The following PRSS57 variants were observed in gnomAD, a reference collection of about 807,000 sequenced individuals.
PRSS57 encodes the protein serine protease 57.
In PRSS57, 19 loss-of-function variants were observed where a neutral mutation model predicts 20.6. That is an observed-to-expected ratio of 0.92 (90% CI 0.64 to 1.35). The LOEUF (loss-of-function observed/expected upper bound fraction) is 1.35, where lower values mean the gene tolerates loss of function less well. Ranked by LOEUF, PRSS57 falls within the 40% of genes most tolerant of loss-of-function variation. PRSS57 has a pLI of 0.00. For synonymous variants in PRSS57, 203 were observed against 176.6 expected, an observed-to-expected ratio of 1.15 and a Z score of -1.19; for missense variants, 440 against 403.7, an observed-to-expected ratio of 1.09 and a Z score of -0.77.
intron 2 of PRSS57, among the ~76,000 whole-genome samples, chr19:693,809 G>A (rs1021302918): frequency 2.0e-5 from 3 of 151,986 alleles, no homozygotes; most frequent in Admixed American, 6.6e-5. Context: ...GCGCGATCTC[G>A]GCTCACTGAA....
intron 2 of PRSS57, among the ~76,000 whole-genome samples, chr19:693,418 G>A (rs1223576000): frequency 6.6e-6 from 1 of 151,924 alleles, no homozygotes; most frequent in Non-Finnish European, 1.5e-5. Context: ...GGGGGTGGGT[G>A]AGATGGGGGT....
Position 691,931 on chromosome 19 carries a change from AAC to A in PRSS57, c.303_304del (p.Phe102TrpfsTer64). 1 of 1,335,696 alleles carries A rather than the reference AAC, an allele frequency of 7.5e-7. No individual in the cohort carries two copies. The highest frequency in any genetic ancestry group is 9.7e-7 in the Non-Finnish European group (1 of 1,033,564). The allele number at this position is 1,335,696 out of a possible 1,614,324, so 82.7% of individuals were successfully genotyped here. On this transcript the variant is annotated frameshift_variant, in exon 3 of 5. Coordinates refer to ENST00000329267, the MANE Select transcript of PRSS57 (RefSeq NM_001308209.2). LOFTEE classifies it high-confidence loss of function. ...GTGTGTGGTGAGAGCATCGATGCCA[AAC>A]ACCTGCTGGGTGGGCTCCGCAGTAC...
intron 3 of PRSS57, among the ~76,000 whole-genome samples, chr19:687,835 T>G (rs7359958): frequency 6.6e-6 from 1 of 151,938 alleles, no homozygotes; most frequent in Non-Finnish European, 1.5e-5. Flanking sequence ...AGCCTCCCCT[T>G]TGGCCAGGCA....
chr19:687,029 G>C lies in PRSS57; in HGVS notation c.538C>G (p.Arg180Gly), dbSNP rs747208346. The C allele has an allele frequency of 6.2e-7, 1 of 1,613,954 alleles. No individual in the cohort carries two copies. Among genetic ancestry groups the C allele is most frequent in the Admixed American group, 1.7e-5 (1 of 60,002 alleles). The change falls in exon 4 of 5, where the codon CGA (arginine) becomes GGA (glycine). Residue 180 changes from arginine to glycine, a missense_variant. Coordinates refer to ENST00000329267, the MANE Select transcript of PRSS57 (RefSeq NM_001308209.2). ...LPPGLMEAKV[R>G]VLDPDVCNSS... is the part of the protein sequence containing the mutation. ...TTGCAGACGTCCGGGTCCAGCACTC[G>C]GACCTTGGCCTCCATCAGTCCAGGC... is the stretch of plus-strand genomic sequence containing the variant.
intron 3 of PRSS57, chr19:690,739 C>T (rs972682953): frequency 1.1e-5 from 4 of 360,852 alleles, no homozygotes; most frequent in African/African-American, 2.1e-5. Flanking sequence ...TTGAGTGCTC[C>T]AAGGAGGTAG....
intron 3 of PRSS57, 114 bp downstream of exon 3, chr19:691,744 G>A (rs1043526670): frequency 1.9e-5 from 18 of 967,284 alleles, no homozygotes; most frequent in Middle Eastern, 2.5e-4. Context: ...ACTTGAACCC[G>A]GGAGGCTGAG....
Position 694,042 on chromosome 19 carries a change from A to T in PRSS57, c.233+772T>A, listed in dbSNP as rs185814344. ...GGCATGAGCCACCGCACCCAGCCTA[A>T]TTTTCGTATTTTTAGTAGAGACAGA... is the stretch of plus-strand genomic sequence containing the variant. On this transcript the variant is annotated intron_variant, in intron 2 of 4. Transcript: ENST00000329267. 5.1e-3 allele frequency among the ~76,000 whole-genome samples: 777 copies of T among 151,838 alleles called. 4 individuals are homozygous for T. The highest frequency in any genetic ancestry group is 0.018 in the African/African-American group (743 of 41,440).
rs1568210951 is a variant in PRSS57, at chr19:694,921, G to GT, written c.125dup (p.His42GlnfsTer125). 1.9e-6 allele frequency: 3 copies of GT among 1,592,150 alleles called. No individual in the cohort carries two copies. The Admixed American group carries it at 5.3e-5, about 28-fold the overall frequency. The stretch of plus-strand genomic sequence containing the variant: ...GCACGGATGCCATGTAGGGCCTGGA[G>GT]TGGGGGGTCACCTCGTGGCCCCCGA... On this transcript the variant is annotated frameshift_variant, in exon 2 of 5. Transcript: ENST00000329267. LOFTEE classifies it high-confidence loss of function.
intron 1 of PRSS57, 46 bp downstream of exon 1, chr19:695,306 G>A (rs940682990): frequency 1.3e-5 from 13 of 984,602 alleles, no homozygotes; most frequent in African/African-American, 8.4e-5. Context: ...GCCCCCGTAC[G>A]GGGACTTGGC....
At chr19:692,458 T>A (rs990675635) in intron 2 of PRSS57, among the ~76,000 whole-genome samples, 3 of 143,812 alleles carry the variant, frequency 2.1e-5, no homozygotes, top group Non-Finnish European at 4.5e-5. Context: ...AGAGTCTCAC[T>A]CTGTCCCCTA....
rs1210291599 is a variant in PRSS57 at position 694,830 on chromosome 19, G to A, written c.217C>T (p.His73Tyr). 1.9e-6 allele frequency: 3 copies of A among 1,607,252 alleles called. No individual in the cohort carries two copies. The African/African-American group carries it at 4.0e-5, about 22-fold the overall frequency. Residue 73 changes from histidine to tyrosine, a missense_variant, in exon 2 of 5, where the codon CAC becomes TAC. Physicochemically the swap from His to Tyr is moderately conservative, Grantham distance 83 (BLOSUM62 2). Coordinates refer to ENST00000329267, the MANE Select transcript of PRSS57 (RefSeq NM_001308209.2). Reference protein sequence around the residue: ...LRARWVVSAAHCFSHRDLRTG... With the variant: ...LRARWVVSAAYCFSHRDLRTG... ...TGAGCTCACCTGTGGCTGAAGCAGT[G>A]GGCGGCCGAGACCACCCAGCGGGCT...
At chr19:687,358 C>T (rs72978205) in intron 3 of PRSS57, among the ~76,000 whole-genome samples, 170 bp from the exon 4 acceptor site, 3,554 of 152,324 alleles carry the variant, frequency 0.023, 62 homozygotes, top group South Asian at 0.049. Flanking sequence ...GCCCCTACCC[C>T]TCAGGCCTCC....
chr19:691,798 G>A (rs573833373), intron 3 of PRSS57, 60 bp downstream of exon 3: 25 of 1,299,916 alleles, frequency 1.9e-5, no homozygotes, highest in East Asian at 1.1e-4. Flanking sequence ...CAGCCCGAGC[G>A]ACAGAGCGAG....
At chr19:693,366 C>T (rs1390374472) in intron 2 of PRSS57, among the ~76,000 whole-genome samples, 12 of 151,046 alleles carry the variant, frequency 7.9e-5, no homozygotes, top group Admixed American at 4.0e-4. Context: ...TAGCTGGGAC[C>T]ACAGAAGCAC....
chr19:694,299 G>A (rs1013908707), intron 2 of PRSS57, among the ~76,000 whole-genome samples: 3 of 151,644 alleles, frequency 2.0e-5, no homozygotes, highest in Non-Finnish European at 2.9e-5. Context: ...AGGGCATGGC[G>A]GCTCACACCT....
intron 3 of PRSS57, 45 bp downstream of exon 3, chr19:691,813 T>C: frequency 7.6e-7 from 1 of 1,312,710 alleles, no homozygotes; most frequent in Non-Finnish European, 9.8e-7. Flanking sequence ...AGCGAGAGAC[T>C]GTCTCAAAAA....
Position 691,859 on chromosome 19 carries a change from C to A in PRSS57, c.377G>T (p.Arg126Leu). 1 of 1,329,784 alleles carries A rather than the reference C, an allele frequency of 7.5e-7. No individual in the cohort carries two copies. The highest frequency in any genetic ancestry group is 9.7e-7 in the Non-Finnish European group (1 of 1,030,198). 82.4% of individuals were successfully genotyped at this position (1,329,784 alleles called of 1,614,324 possible). Residue 126 changes from arginine to leucine, a missense_variant and splice_region_variant, in exon 3 of 5, where the codon CGG becomes CTG. Transcript: ENST00000329267. ...GTCAGATCCACCCCCGGGGCTCACCCGCAGCAGGCAGATGTCGTTGGCGTG... is the reference window on the plus strand; with the variant it reads ...GTCAGATCCACCCCCGGGGCTCACCAGCAGCAGGCAGATGTCGTTGGCGTG... ...MTHANDICLL[R>L]LNGSAVLGPA... is the part of the protein sequence containing the mutation.
chr19:691,920 C>A lies in PRSS57; in HGVS notation c.316G>T (p.Ala106Ser). ...EPTQQVFGID[A>S]LTTHPDYHPM... The stretch of plus-strand genomic sequence containing the variant: ...TGGTAGTCGGGGTGTGTGGTGAGAG[C>A]ATCGATGCCAAACACCTGCTGGGTG... The change falls in exon 3 of 5, where the codon GCT (alanine) becomes TCT (serine). Residue 106 changes from alanine to serine, a missense_variant. Ala to Ser is a moderately conservative substitution (Grantham distance 99). Coordinates refer to ENST00000329267, the MANE Select transcript of PRSS57 (RefSeq NM_001308209.2). 2 of 1,337,314 alleles carry A rather than the reference C, an allele frequency of 1.5e-6. No individual in the cohort carries two copies. The highest frequency in any genetic ancestry group is 2.6e-5 in the South Asian group (1 of 39,176). The allele number at this position is 1,337,314 out of a possible 1,614,324, so 82.8% of individuals were successfully genotyped here.
Position 687,167 on chromosome 19 carries a change from C to A in PRSS57, c.400G>T (p.Gly134Cys). 6.3e-7 allele frequency: 1 copy of A among 1,577,516 alleles called. No homozygotes were observed. The highest frequency in any genetic ancestry group is 8.6e-7 in the Non-Finnish European group (1 of 1,161,186). Reference sequence around the variant, plus strand: ...GGCCTCAGCAGCCCCACTGCAGGGCCCAGGACAGCAGAGCCGTTCAGCTGC... The same window carrying A: ...GGCCTCAGCAGCCCCACTGCAGGGCACAGGACAGCAGAGCCGTTCAGCTGC... ...LLRLNGSAVL[G>C]PAVGLLRPPG... Residue 134 changes from glycine to cysteine, a missense_variant, in exon 4 of 5, where the codon GGC (glycine) becomes TGC (cysteine). By Grantham distance (159) the Gly-to-Cys change is radical. Coordinates refer to ENST00000329267, the MANE Select transcript of PRSS57 (RefSeq NM_001308209.2).
Sources: allele counts gnomAD v4.1 joint callset (sites outside exome capture counted in the v4.1 genomes callset), GRCh38; gene constraint gnomAD v4.1.1; transcripts MANE v1.5; gene names NCBI Gene and HGNC (gene_info 2026-07-23, HGNC 2026-07-21).